DLGAP1: variants seen among roughly 807,000 people sequenced by gnomAD.
DLGAP1 encodes the protein DLG associated protein 1.
DLGAP1 carries 11 observed loss-of-function variants against 90.8 expected under a neutral mutation model. The observed-to-expected ratio is 0.12, with a 90% CI of 0.08 to 0.20. The LOEUF (loss-of-function observed/expected upper bound fraction) is 0.20. Ranked by LOEUF, DLGAP1 falls within the 10% of genes least tolerant of loss-of-function variation. DLGAP1 has a pLI of 1.00. For missense variants in DLGAP1, 1,050 were observed against 1,333.8 expected (o/e 0.79, Z 3.31); for synonymous variants, 558 against 540.7 (o/e 1.03, Z -0.44).
intron 1 of DLGAP1, among the ~76,000 whole-genome samples, chr18:4,336,088 C>T (rs180766339): frequency 3.2e-4 from 49 of 152,354 alleles, no homozygotes; most frequent in African/African-American, 1.1e-3. Context: ...TCACTATTAG[C>T]ATACTGCAGT....
chr18:4,439,207 G>A (rs1387220447), intron 1 of DLGAP1, among the ~76,000 whole-genome samples: 3 of 152,156 alleles, frequency 2.0e-5, no homozygotes, highest in Non-Finnish European at 4.4e-5. Flanking sequence ...TAGCCCATGA[G>A]TTCCCTGTCA....
intron 3 of DLGAP1, among the ~76,000 whole-genome samples, chr18:3,926,998 G>A (rs2072406785): frequency 6.6e-6 from 1 of 151,956 alleles, no homozygotes; most frequent in South Asian, 2.1e-4. Context: ...ATCTGGGGCA[G>A]CAAATTAAAA....
At chr18:4,304,981 A>G (rs1387648341) in intron 1 of DLGAP1, among the ~76,000 whole-genome samples, 3 of 152,168 alleles carry the variant, frequency 2.0e-5, no homozygotes, top group African/African-American at 7.2e-5. Context: ...TTATTCATTA[A>G]AAGTCATTCC....
In DLGAP1 at chr18:4,108,039, A is replaced by G. The variant is rs186425889; in HGVS notation, c.-159+43141T>C. Among the ~76,000 whole-genome samples, 1,092 of 152,242 alleles carry G rather than the reference A, an allele frequency of 7.2e-3. 19 individuals are homozygous for G. The highest frequency in any genetic ancestry group is 7.1e-3 in the Non-Finnish European group (486 of 68,024). ...GCAGGGACATCTCTGACTTTCTCCT[A>G]TTCCCTCTCTCCTGAAGCAGATCAT... On this transcript the variant is annotated intron_variant, in intron 2 of 12. Transcript: ENST00000315677.
At chr18:4,184,768 C>T (rs549997857) in intron 1 of DLGAP1, among the ~76,000 whole-genome samples, 4 of 152,142 alleles carry the variant, frequency 2.6e-5, no homozygotes, top group African/African-American at 9.6e-5. Flanking sequence ...CTGGGATCCC[C>T]TGATACTTGT....
chr18:4,253,530 C>A (rs1424069412), intron 1 of DLGAP1, among the ~76,000 whole-genome samples: 3 of 152,150 alleles, frequency 2.0e-5, no homozygotes, highest in Non-Finnish European at 4.4e-5. Context: ...CATGCCTCAG[C>A]CTCCCAAGTA....
chr18:4,117,532 T>C (rs1009817251), intron 2 of DLGAP1, among the ~76,000 whole-genome samples: 1 of 152,244 alleles, frequency 6.6e-6, no homozygotes, highest in African/African-American at 2.4e-5. Flanking sequence ...AGCCTGGCTA[T>C]GTAGAGATTT....
chr18:3,992,583 C>T (rs565479472), intron 3 of DLGAP1, among the ~76,000 whole-genome samples: 33 of 152,164 alleles, frequency 2.2e-4, no homozygotes, highest in Middle Eastern at 3.4e-3. Context: ...GAGGCTAAGG[C>T]GGGAGGATCA....
intron 3 of DLGAP1, among the ~76,000 whole-genome samples, chr18:3,884,864 A>G (rs1239575646): frequency 6.6e-6 from 1 of 152,224 alleles, no homozygotes; most frequent in Admixed American, 6.5e-5. Flanking sequence ...GATGTGGGAA[A>G]AGAAGGTCAT....
At chr18:4,131,162 T>C (rs2076308159) in intron 2 of DLGAP1, among the ~76,000 whole-genome samples, 1 of 152,078 alleles carries the variant, frequency 6.6e-6, no homozygotes, top group Admixed American at 6.5e-5. Context: ...ACCGTTATTG[T>C]CTCCAGTTTA....
At chr18:3,928,631 C>T (rs1017666762) in intron 3 of DLGAP1, among the ~76,000 whole-genome samples, 1 of 151,982 alleles carries the variant, frequency 6.6e-6, no homozygotes, top group South Asian at 2.1e-4. Flanking sequence ...GTTCAATCAC[C>T]CCCCAATTTA....
At chr18:4,055,235 G>A (rs961266500) in intron 2 of DLGAP1, among the ~76,000 whole-genome samples, 6 of 152,194 alleles carry the variant, frequency 3.9e-5, no homozygotes, top group African/African-American at 1.4e-4. Context: ...CAGCGGTTGA[G>A]AGAGACTGGG....
chr18:4,034,334 G>A (rs566719727), intron 2 of DLGAP1, among the ~76,000 whole-genome samples: 4 of 152,154 alleles, frequency 2.6e-5, no homozygotes, highest in Admixed American at 6.5e-5. Context: ...AAGCCACTGC[G>A]CCCGGCTGCA....
rs1450856007 is a variant in DLGAP1 at position 4,441,857 on chromosome 18, C to A, written c.-267+13149G>T. Among the ~76,000 whole-genome samples, 2 of 152,206 alleles carry A rather than the reference C, an allele frequency of 1.3e-5. 1 individual carries two copies. The highest frequency in any genetic ancestry group is 4.8e-5 in the African/African-American group (2 of 41,450). ...TCACTCTACGATTCTCGGATGCCAA[C>A]CAATTGTCAGGCACTGGGTTAGGCA... On this transcript the variant is annotated intron_variant, in intron 1 of 12. Transcript: ENST00000315677.
chr18:3,945,885 T>C (rs1303350925), intron 3 of DLGAP1, among the ~76,000 whole-genome samples: 2 of 152,220 alleles, frequency 1.3e-5, no homozygotes, highest in African/African-American at 2.4e-5. Flanking sequence ...GTTATGGGAA[T>C]AGATGCCACT....
intron 3 of DLGAP1, among the ~76,000 whole-genome samples, chr18:3,882,383 AT>A (rs936546004): frequency 1.3e-5 from 2 of 151,554 alleles, no homozygotes; most frequent in East Asian, 3.9e-4. Context: ...AAAAAAAAAA[AT>A]TAGCTGGGAG....
intron 1 of DLGAP1, among the ~76,000 whole-genome samples, chr18:4,415,501 A>T (rs1266008671): frequency 6.6e-6 from 1 of 152,200 alleles, no homozygotes; most frequent in Non-Finnish European, 1.5e-5. Context: ...TGTAAAGTTC[A>T]TTAGAACATA....
chr18:3,825,193 A>C (rs1243675220), intron 4 of DLGAP1, among the ~76,000 whole-genome samples: 1 of 152,248 alleles, frequency 6.6e-6, no homozygotes, highest in Non-Finnish European at 1.5e-5. Flanking sequence ...TATTCATTAC[A>C]GGGTTCTCTT....
rs576122273 is a variant in DLGAP1, at chr18:4,432,389, G to T, written c.-267+22617C>A. Among the ~76,000 whole-genome samples the T allele has an allele frequency of 2.0e-5, 3 of 152,098 alleles. No homozygotes were observed. The East Asian group carries it at 5.8e-4, about 29-fold the overall frequency. ...TATTCACTGGCAGTATCTGATATTT[G>T]TTAATGTTTTCCCCACCTCTGATAT... On this transcript the variant is annotated intron_variant, in intron 1 of 12. Coordinates refer to ENST00000315677, the MANE Select transcript of DLGAP1 (RefSeq NM_004746.4).
Sources: allele counts gnomAD v4.1 joint callset (sites outside exome capture counted in the v4.1 genomes callset), GRCh38; gene constraint gnomAD v4.1.1; transcripts MANE v1.5; gene names NCBI Gene and HGNC (gene_info 2026-07-23, HGNC 2026-07-21).